TBC1D5: variants seen among roughly 807,000 people sequenced by gnomAD.
TBC1D5 encodes TBC1 domain family member 5, also known as TBC1 domain family, member 5.
In TBC1D5, 75 loss-of-function variants were observed where a neutral mutation model predicts 100.3. That is an observed-to-expected ratio of 0.75 (90% CI 0.62 to 0.91). TBC1D5 has a LOEUF of 0.91. TBC1D5 is among the 40% of genes least tolerant of loss of function. The pLI, the probability that TBC1D5 is intolerant of heterozygous loss-of-function variation, is 0.00. For missense variants in TBC1D5, 910 were observed against 942.4 expected, an observed-to-expected ratio of 0.97 and a Z score of 0.45; for synonymous variants, 323 against 325.6, an observed-to-expected ratio of 0.99 and a Z score of 0.09.
chr3:17,212,503 T>C (rs191160253), intron 18 of TBC1D5, among the ~76,000 whole-genome samples: 18 of 152,154 alleles, frequency 1.2e-4, no homozygotes, highest in Non-Finnish European at 2.1e-4. Context: ...GTTATATATA[T>C]ATATAAAAAA....
chr3:17,250,882 T>G (rs1055756014), intron 16 of TBC1D5, among the ~76,000 whole-genome samples: 4 of 152,264 alleles, frequency 2.6e-5, no homozygotes, highest in Admixed American at 2.0e-4. Context: ...TCAATGTTTG[T>G]CTTGTTGGCA....
intron 3 of TBC1D5, among the ~76,000 whole-genome samples, chr3:17,482,510 G>C (rs1227747872): frequency 6.6e-6 from 1 of 152,110 alleles, no homozygotes; most frequent in East Asian, 1.9e-4. Flanking sequence ...GCTATACTTT[G>C]AAAAGATTTT....
chr3:17,569,198 C>T (rs1232938449), intron 2 of TBC1D5, among the ~76,000 whole-genome samples: 3 of 151,736 alleles, frequency 2.0e-5, no homozygotes, highest in Non-Finnish European at 4.4e-5. Context: ...AAGATAAAAA[C>T]CCAATCCTAA....
intron 15 of TBC1D5, among the ~76,000 whole-genome samples, chr3:17,271,231 T>C (rs1457954417): frequency 6.6e-6 from 1 of 152,216 alleles, no homozygotes; most frequent in Non-Finnish European, 1.5e-5. Flanking sequence ...ATGGTATTAA[T>C]TCTTCCAATC....
chr3:17,194,908 A>T (rs1457843255), intron 18 of TBC1D5, among the ~76,000 whole-genome samples: 4 of 152,348 alleles, frequency 2.6e-5, no homozygotes, highest in Non-Finnish European at 4.4e-5. Flanking sequence ...TGCTACAAAT[A>T]TCTAAAGTAA....
chr3:17,212,382 G>C (rs2073090180), intron 18 of TBC1D5, among the ~76,000 whole-genome samples: 1 of 152,094 alleles, frequency 6.6e-6, no homozygotes, highest in Non-Finnish European at 1.5e-5. Flanking sequence ...CCAGTCATAT[G>C]TAAGTATGGC....
intron 1 of TBC1D5, among the ~76,000 whole-genome samples, chr3:17,703,947 A>G (rs1458704797): frequency 7.3e-6 from 1 of 137,134 alleles, no homozygotes; most frequent in East Asian, 2.0e-4. Flanking sequence ...TTTTATTGAT[A>G]ATTCTTGGGT....
intron 16 of TBC1D5, among the ~76,000 whole-genome samples, chr3:17,247,187 A>G (rs975088276): frequency 2.6e-5 from 4 of 152,108 alleles, no homozygotes; most frequent in Non-Finnish European, 5.9e-5. Context: ...ACTTGGCAAC[A>G]CTTTGCATGT....
intron 2 of TBC1D5, among the ~76,000 whole-genome samples, chr3:17,615,788 T>C (rs2062097109): frequency 6.6e-6 from 1 of 152,188 alleles, no homozygotes. Flanking sequence ...TTCTTCTTTA[T>C]TAGTCTTGCT....
intron 3 of TBC1D5, 45 bp from the exon 4 acceptor site, chr3:17,428,564 AT>A: frequency 3.6e-6 from 4 of 1,118,234 alleles, no homozygotes; most frequent in Non-Finnish European, 5.0e-6. Context: ...GATAAACTGA[AT>A]ATTTCAGTTG....
intron 3 of TBC1D5, among the ~76,000 whole-genome samples, chr3:17,436,489 TTTC>T (rs1487576416): frequency 1.3e-5 from 2 of 152,186 alleles, no homozygotes; most frequent in East Asian, 1.9e-4. Flanking sequence ...TTGTGGCTTT[TTTC>T]TTCTTATCAA....
At chr3:17,315,897 T>C (rs1186927550) in intron 13 of TBC1D5, among the ~76,000 whole-genome samples, 1 of 152,092 alleles carries the variant, frequency 6.6e-6, no homozygotes, top group East Asian at 1.9e-4. Context: ...GCTGTAGGCA[T>C]GGCAGAGGGC....
chr3:17,681,407 A>G (rs947214431), intron 1 of TBC1D5, among the ~76,000 whole-genome samples: 2 of 151,648 alleles, frequency 1.3e-5, no homozygotes, highest in Non-Finnish European at 2.9e-5. Flanking sequence ...AAATTGTGCA[A>G]TGTAACTATG....
Position 17,660,492 on chromosome 3 carries a change from T to C in TBC1D5, c.-100-36579A>G, listed in dbSNP as rs189725470. Among the ~76,000 whole-genome samples, 532 of 152,296 alleles carry C rather than the reference T, an allele frequency of 3.5e-3. 4 individuals carry two copies. Among genetic ancestry groups the C allele is most frequent in the African/African-American group, 0.012 (504 of 41,564 alleles). ...TAAACCAAACAGCACATGGTGATTG[T>C]TACTGGTCCAGAGATAACATATGAT... On this transcript the variant is annotated intron_variant, in intron 1 of 21. Coordinates refer to ENST00000253692, the Ensembl canonical transcript of TBC1D5.
At chr3:17,705,983 C>CAT in intron 1 of TBC1D5, 1 of 1,224,596 alleles carries the variant, frequency 8.2e-7, no homozygotes, top group Non-Finnish European at 1.1e-6. Context: ...TTTCTTTACT[C>CAT]TTTTTTTTTT....
chr3:17,673,597 G>T (rs1209421298), intron 1 of TBC1D5, among the ~76,000 whole-genome samples: 6 of 151,710 alleles, frequency 4.0e-5, no homozygotes, highest in African/African-American at 1.5e-4. Flanking sequence ...TTACAAGCAT[G>T]AGTTACTGCA....
chr3:17,360,765 A>G (rs1268954374), intron 13 of TBC1D5, among the ~76,000 whole-genome samples: 2 of 151,996 alleles, frequency 1.3e-5, no homozygotes, highest in African/African-American at 4.8e-5. Context: ...TCTATGTTAT[A>G]TATTTTGGAA....
At chr3:17,553,983 A>G (rs746152589) in intron 2 of TBC1D5, among the ~76,000 whole-genome samples, 1 of 152,172 alleles carries the variant, frequency 6.6e-6, no homozygotes, top group Non-Finnish European at 1.5e-5. Context: ...TATTCCCTAA[A>G]CATTCAGCCT....
rs2093733299 is a variant in TBC1D5 at position 17,404,980 on chromosome 3, G to A, written c.277-19C>T. 2 of 1,501,068 alleles carry A rather than the reference G, an allele frequency of 1.3e-6. No homozygotes were observed. The highest frequency in any genetic ancestry group is 2.8e-5 in the African/African-American group (2 of 70,894). 93.0% of individuals were successfully genotyped at this position (1,501,068 alleles called of 1,614,324 possible). ...GAAATAGCTGTCAAGAAAAACAGAA[G>A]AAACTTTTGTAAAAATCTTAAGATA... On this transcript the variant is annotated intron_variant, in intron 5 of 21. Coordinates refer to ENST00000253692, the Ensembl canonical transcript of TBC1D5.
Sources: allele counts gnomAD v4.1 joint callset (sites outside exome capture counted in the v4.1 genomes callset), GRCh38; gene constraint gnomAD v4.1.1; transcripts MANE v1.5; gene names NCBI Gene and HGNC (gene_info 2026-07-23, HGNC 2026-07-21).